The following SPRY1 variants were observed in gnomAD, a reference collection of about 807,000 sequenced individuals.
SPRY1 encodes sprouty RTK signaling antagonist 1.
In SPRY1, 20 loss-of-function variants were observed where a neutral mutation model predicts 22.6. That is an observed-to-expected ratio of 0.89 (90% confidence interval 0.62 to 1.29). The LOEUF (loss-of-function observed/expected upper bound fraction) is 1.29, where lower values mean the gene tolerates loss of function less well. SPRY1 is among the 50% of genes most tolerant of loss of function. SPRY1 has a pLI of 0.00. For missense variants in SPRY1, 446 were observed against 387.7 expected, an observed-to-expected ratio of 1.15 and a Z score of -1.26; for synonymous variants, 155 against 144.7, an observed-to-expected ratio of 1.07 and a Z score of -0.51.
Position 123,402,772 on chromosome 4 carries a change from C to G in SPRY1, c.*221C>G. ...ACCTGGCTCCCACTTTCAACAAGAG[C>G]CTCTGCCATCCACTTGAGGGTATTG... is the stretch of plus-strand genomic sequence containing the variant. On this transcript the variant is annotated 3_prime_UTR_variant, in exon 3 of 3. Transcript: ENST00000651917. 1.6e-6 allele frequency: 1 copy of G among 609,356 alleles called. No homozygotes were observed. The highest frequency in any genetic ancestry group is 2.5e-5 in the South Asian group (1 of 39,632). The allele number at this position is 609,356 out of a possible 1,614,324, so 37.7% of individuals were successfully genotyped here.
chr4:123,398,314 C>G (rs1724995631), intron 2 of SPRY1: 1 of 151,864 alleles, frequency 6.6e-6, no homozygotes, highest in Non-Finnish European at 1.5e-5. Flanking sequence ...AACTGCCCTC[C>G]GCAGCCGGAA....
Position 123,401,992 on chromosome 4 carries a change from G to C in SPRY1, c.401G>C (p.Gly134Ala). Residue 134 changes from glycine (G) to alanine (A), a missense_variant, in exon 3 of 3, where the codon GGA (glycine) becomes GCA (alanine). Physicochemically the swap from Gly to Ala is moderately conservative, Grantham distance 60. Transcript: ENST00000651917. ...AACAGCAGTGCCTCTTCTGAACAGG[G>C]ACTGTTAGGAAGGTCACCACCAACC... ...GSNSSASSEQ[G>A]LLGRSPPTRP... 6.2e-7 allele frequency: 1 copy of C among 1,614,180 alleles called. No homozygotes were observed. Among genetic ancestry groups the C allele is most frequent in the Non-Finnish European group, 8.5e-7 (1 of 1,180,038 alleles).
chr4:123,402,763 C>G lies in SPRY1; in HGVS notation c.*212C>G, dbSNP rs535974764. ...GGAAGCTGCACCTGGCTCCCACTTT[C>G]AACAAGAGCCTCTGCCATCCACTTG... On this transcript the variant is annotated 3_prime_UTR_variant, in exon 3 of 3. Transcript: ENST00000651917. The G allele has an allele frequency of 7.9e-6, 5 of 630,660 alleles. No homozygotes were observed. Among genetic ancestry groups the G allele is most frequent in the African/African-American group, 3.7e-5 (2 of 54,548 alleles). The allele number at this position is 630,660 out of a possible 1,614,324, so 39.1% of individuals were successfully genotyped here.
At chr4:123,398,208 G>A (rs1724988767) in intron 2 of SPRY1, 1 of 152,272 alleles carries the variant, frequency 6.6e-6, no homozygotes, top group Non-Finnish European at 1.5e-5. Flanking sequence ...TTCTTGGAAA[G>A]GGGCTGCAGA....
rs1264224252 is a variant in SPRY1, at chr4:123,403,108, C to T, written c.*557C>T. The T allele has an allele frequency of 3.4e-6, 1 of 294,672 alleles. No individual in the cohort carries two copies. Among genetic ancestry groups the T allele is most frequent in the African/African-American group, 2.2e-5 (1 of 46,068 alleles). The allele number at this position is 294,672 out of a possible 1,614,324, so 18.3% of individuals were successfully genotyped here. On this transcript the variant is annotated 3_prime_UTR_variant, in exon 3 of 3. Coordinates refer to ENST00000651917, the MANE Select transcript of SPRY1 (RefSeq NM_001258038.2). ...CTCTCCTTCTTTCTCCTTCAAGGTT[C>T]TTTCCCCCTCAGTTTTGTTGTTGTC...
chr4:123,399,419 A>G (rs1725055453), intron 2 of SPRY1: 1 of 152,090 alleles, frequency 6.6e-6, no homozygotes, highest in East Asian at 1.9e-4. Context: ...GCTCATGGTA[A>G]CCTCAGCCTC....
intron 2 of SPRY1, 116 bp from the exon 3 acceptor site, chr4:123,401,421 A>C: frequency 1.2e-6 from 1 of 815,784 alleles, no homozygotes; most frequent in East Asian, 2.5e-5. Context: ...CCACTGATGA[A>C]GGAGGTCATT....
Position 123,402,855 on chromosome 4 carries a change from G to A in SPRY1, c.*304G>A, listed in dbSNP as rs1316977396. 1 of 504,494 alleles carries A rather than the reference G, an allele frequency of 2.0e-6. No individual in the cohort carries two copies. The highest frequency in any genetic ancestry group is 1.9e-5 in the African/African-American group (1 of 51,700). The allele number at this position is 504,494 out of a possible 1,614,324, so 31.3% of individuals were successfully genotyped here. A position where few individuals can be genotyped will look rare whatever the true frequency, so the allele number is the denominator to read the frequency against. On this transcript the variant is annotated 3_prime_UTR_variant, in exon 3 of 3. Transcript: ENST00000651917. Reference sequence around the variant, plus strand: ...TCTGCAAGCAACTTTCTAAAGTTGTGTACATGAACATACACCCACATCCAG... The same window carrying A: ...TCTGCAAGCAACTTTCTAAAGTTGTATACATGAACATACACCCACATCCAG...
At position 123,403,075 on chromosome 4, in the gene SPRY1, C is replaced by T; in HGVS notation, c.*524C>T. On this transcript the variant is annotated 3_prime_UTR_variant, in exon 3 of 3. Coordinates refer to ENST00000651917, the MANE Select transcript of SPRY1 (RefSeq NM_001258038.2). ...CTATAACGTAAAAATTTTCCTTTAACCACTGCCCTCTCCTTCTTTCTCCTT... is the reference window on the plus strand; with the variant it reads ...CTATAACGTAAAAATTTTCCTTTAATCACTGCCCTCTCCTTCTTTCTCCTT... The T allele has an allele frequency of 3.1e-6, 1 of 321,788 alleles. No homozygotes were observed. The highest frequency in any genetic ancestry group is 5.7e-5 in the Admixed American group (1 of 17,638). 19.9% of individuals were successfully genotyped at this position (321,788 alleles called of 1,614,324 possible).
In SPRY1 at chr4:123,396,832, C is replaced by T. The variant is rs1724935999; in HGVS notation, c.-402C>T. The T allele has an allele frequency of 6.6e-6, 1 of 152,192 alleles. No homozygotes were observed. The highest frequency in any genetic ancestry group is 2.4e-5 in the African/African-American group (1 of 41,436). 9.4% of individuals were successfully genotyped at this position (152,192 alleles called of 1,614,324 possible). A position where few individuals can be genotyped will look rare whatever the true frequency, so the allele number is the denominator to read the frequency against. ...AGACCGCTCTGCAAACCACTGCGTG[C>T]TTTGCAGAGTGATTATCAGCACAGT... On this transcript the variant is annotated 5_prime_UTR_variant, in exon 1 of 3. Coordinates refer to ENST00000651917, the MANE Select transcript of SPRY1 (RefSeq NM_001258038.2).
At chr4:123,401,016 GTC>G (rs770452532) in intron 2 of SPRY1, among the ~76,000 whole-genome samples, 1 of 152,056 alleles carries the variant, frequency 6.6e-6, no homozygotes, top group Non-Finnish European at 1.5e-5. Context: ...CATTTTAAGA[GTC>G]TCAATTTTTT....
chr4:123,399,342 C>G (rs1336755549), intron 2 of SPRY1, among the ~76,000 whole-genome samples: 1 of 151,712 alleles, frequency 6.6e-6, no homozygotes, highest in Non-Finnish European at 1.5e-5. Context: ...CGCCACTGCA[C>G]TCCAGCCTGG....
intron 1 of SPRY1, 96 bp downstream of exon 1, chr4:123,397,028 T>C (rs1437335856): frequency 1.3e-5 from 2 of 152,246 alleles, no homozygotes; most frequent in African/African-American, 4.8e-5. Flanking sequence ...TTGAACTTGC[T>C]TTCCAGCTAA....
In SPRY1 at chr4:123,402,502, A is replaced by G. The variant is rs1370688324; in HGVS notation, c.911A>G (p.Tyr304Cys). ...GCRCKNSNTV[Y>C]CKLESCPSRG... The stretch of plus-strand genomic sequence containing the variant: ...AGATGTAAGAACTCCAACACTGTCT[A>G]TTGTAAGCTGGAGAGCTGCCCCTCC... Residue 304 changes from tyrosine to cysteine, a missense_variant, in exon 3 of 3, where the codon TAT becomes TGT. Tyr to Cys is a radical substitution (Grantham distance 194). Transcript: ENST00000651917. The G allele has an allele frequency of 6.8e-6, 11 of 1,613,958 alleles. No homozygotes were observed. In the East Asian group the frequency reaches 1.3e-4, roughly 20 times the overall value.
Position 123,401,518 on chromosome 4 carries a change from A to C in SPRY1, c.-55-19A>C. The C allele has an allele frequency of 2.0e-6, 3 of 1,504,720 alleles. No homozygotes were observed. The highest frequency in any genetic ancestry group is 1.3e-5 in the South Asian group (1 of 74,306). The allele number at this position is 1,504,720 out of a possible 1,614,324, so 93.2% of individuals were successfully genotyped here. A position where few individuals can be genotyped will look rare whatever the true frequency, so the allele number is the denominator to read the frequency against. On this transcript the variant is annotated intron_variant, in intron 2 of 2. Transcript: ENST00000651917. ...CTGTCATTTATTTTCTGTTTTTTTC[A>C]TCTTTGATTTCGTTTTAGGATTTCA...
At chr4:123,397,373 T>G (rs1035672849) in intron 1 of SPRY1, among the ~76,000 whole-genome samples, 31 of 152,208 alleles carry the variant, frequency 2.0e-4, no homozygotes, top group African/African-American at 6.5e-4. Flanking sequence ...TTGAACGTTG[T>G]TTGAACTCCT....
chr4:123,403,758 GTC>G (rs1255589500), downstream of SPRY1: 1 of 166,614 alleles, frequency 6.0e-6, no homozygotes, highest in Non-Finnish European at 1.5e-5. Flanking sequence ...TAATGAAACT[GTC>G]TCTCGATTTC....
At chr4:123,398,355 G>T (rs1156904634) in intron 2 of SPRY1, 2 of 151,166 alleles carry the variant, frequency 1.3e-5, no homozygotes, top group Non-Finnish European at 3.0e-5. Context: ...CTGGCCGGTG[G>T]CGGCGGGGGC....
intron 2 of SPRY1, chr4:123,398,611 C>T (rs1725012802): frequency 6.6e-6 from 1 of 152,132 alleles, no homozygotes; most frequent in Admixed American, 6.6e-5. Context: ...GCGCTGCTGC[C>T]CGAGCCAGGA....
Sources: gnomAD v4.1 joint callset for allele counts (sites outside exome capture counted in the v4.1 genomes callset) on GRCh38, gnomAD v4.1.1 for gene constraint, MANE v1.5 for transcripts, NCBI Gene and HGNC (gene_info 2026-07-23, HGNC 2026-07-21) for gene names.